Variants in ARHGAP35 observed in about 807,000 individuals in gnomAD.
The protein encoded by ARHGAP35 is Rho GTPase activating protein 35, also known as rho GTPase-activating protein 35.
A neutral mutation model predicts 111.1 loss-of-function variants in ARHGAP35; 15 were observed. The observed-to-expected ratio is 0.13, with a 90% confidence interval of 0.09 to 0.21. The LOEUF is 0.21. Ranked by LOEUF, ARHGAP35 falls within the 10% of genes least tolerant of loss-of-function variation. The pLI is 1.00. For synonymous variants in ARHGAP35, 643 were observed against 710.3 expected, an observed-to-expected ratio of 0.91 and a Z score of 1.51; for missense variants, 1,262 against 1,873.0, an observed-to-expected ratio of 0.67 and a Z score of 6.02.
chr19:46,962,861 G>C (rs763711008), intron 3 of ARHGAP35, among the ~76,000 whole-genome samples: 1 of 152,114 alleles, frequency 6.6e-6, no homozygotes, highest in Non-Finnish European at 1.5e-5. Flanking sequence ...TGATCCGCCC[G>C]CACTTGGCCA....
intron 3 of ARHGAP35, among the ~76,000 whole-genome samples, chr19:46,985,122 T>C (rs1217717859): frequency 1.3e-5 from 2 of 152,244 alleles, no homozygotes; most frequent in Non-Finnish European, 2.9e-5. Flanking sequence ...TTTGTTTTTT[T>C]CAAATTAGGA....
chr19:46,883,419 A>G (rs1181331468), intron 1 of ARHGAP35, among the ~76,000 whole-genome samples: 1 of 152,080 alleles, frequency 6.6e-6, no homozygotes, highest in African/African-American at 2.4e-5. Flanking sequence ...TAATTTCAAC[A>G]TGGTTGTGTC....
chr19:47,000,397 C>T lies in ARHGAP35; in HGVS notation c.4209C>T (p.Thr1403=). The T allele has an allele frequency of 6.2e-7, 1 of 1,613,916 alleles. No homozygotes were observed. Among genetic ancestry groups the T allele is most frequent in the East Asian group, 2.2e-5 (1 of 44,870 alleles). The change falls in exon 7 of 7, where the codon ACC becomes ACT. Residue 1403 remains threonine, a synonymous_variant. Transcript: ENST00000672722. The surrounding 1 kb of genome is among the most constrained non-coding windows in gnomAD (Gnocchi z 6.9). ...ACCTCTCCATCTGCTTCTGGCCCACCTTGATGAGACCTGATTTCAGCACTA... is the reference window on the plus strand; with the variant it reads ...ACCTCTCCATCTGCTTCTGGCCCACTTTGATGAGACCTGATTTCAGCACTA... ...SENLSICFWP[T]LMRPDFSTMD...
At chr19:46,867,313 T>C (rs1168621632) in intron 1 of ARHGAP35, among the ~76,000 whole-genome samples, 1 of 152,224 alleles carries the variant, frequency 6.6e-6, no homozygotes, top group African/African-American at 2.4e-5. Flanking sequence ...CTGCAGGTAT[T>C]TCCTGCCTCT....
chr19:46,968,580 T>C (rs1170321922), intron 3 of ARHGAP35, among the ~76,000 whole-genome samples: 2 of 152,184 alleles, frequency 1.3e-5, no homozygotes, highest in Non-Finnish European at 2.9e-5. Flanking sequence ...AACCCAAATA[T>C]CCCACTGATG....
At chr19:46,967,580 T>C (rs900978088) in intron 3 of ARHGAP35, among the ~76,000 whole-genome samples, 1 of 152,194 alleles carries the variant, frequency 6.6e-6, no homozygotes, top group African/African-American at 2.4e-5. Context: ...GCAAATATCT[T>C]TCCAAAATAA....
At chr19:46,965,805 C>T (rs905650136) in intron 3 of ARHGAP35, among the ~76,000 whole-genome samples, 1 of 152,138 alleles carries the variant, frequency 6.6e-6, no homozygotes. Context: ...TTTTTCAACT[C>T]CATGTTTCAT....
intron 2 of ARHGAP35, among the ~76,000 whole-genome samples, chr19:46,933,887 C>T (rs1599830575): frequency 1.3e-5 from 2 of 152,178 alleles, no homozygotes; most frequent in South Asian, 4.1e-4. Flanking sequence ...AATTTCCTGG[C>T]TAAGTTAGAT....
At chr19:46,996,223 C>T (rs2056706644) in intron 5 of ARHGAP35, among the ~76,000 whole-genome samples, 1 of 152,176 alleles carries the variant, frequency 6.6e-6, no homozygotes, top group African/African-American at 2.4e-5. Context: ...TCTGCCTCAG[C>T]CTCCCAAATA....
chr19:46,935,427 CT>C (rs111957464), intron 2 of ARHGAP35, among the ~76,000 whole-genome samples: 1 of 151,688 alleles, frequency 6.6e-6, no homozygotes, highest in Non-Finnish European at 1.5e-5. Context: ...CTGATCTGTT[CT>C]TTTTTTTTCT....
At chr19:46,881,341 G>C (rs2055961654) in intron 1 of ARHGAP35, among the ~76,000 whole-genome samples, 1 of 152,224 alleles carries the variant, frequency 6.6e-6, no homozygotes, top group South Asian at 2.1e-4. Flanking sequence ...ATTTATGGCA[G>C]TGTTGCCTTA....
chr19:46,879,902 A>G (rs542372909), intron 1 of ARHGAP35, among the ~76,000 whole-genome samples: 1 of 152,078 alleles, frequency 6.6e-6, no homozygotes, highest in East Asian at 1.9e-4. Context: ...CCTGGCCAAC[A>G]TGGTAAAACC....
Position 46,988,014 on chromosome 19 carries a change from G to A in ARHGAP35, c.3852G>A (p.Arg1284=). 1 of 1,613,894 alleles carries A rather than the reference G, an allele frequency of 6.2e-7. No individual in the cohort carries two copies. Among genetic ancestry groups the A allele is most frequent in the Non-Finnish European group, 8.5e-7 (1 of 1,179,864 alleles). The change falls in exon 4 of 7, where the codon CGG becomes CGA. Residue 1284 remains arginine (R), a synonymous_variant. Transcript: ENST00000672722. The surrounding 1 kb of genome is among the most constrained non-coding windows in gnomAD (Gnocchi z 5.4). The part of the protein sequence containing the change: ...ATGLSTEGIY[R]VSGNKSEMES... ...GACTGAGCACGGAAGGCATCTACCG[G>A]GTCAGCGGGAACAAGTCTGAGATGG...
chr19:46,993,305 C>T lies in ARHGAP35; in HGVS notation c.4036+3630C>T, dbSNP rs536320396. Among the ~76,000 whole-genome samples, 3 of 152,316 alleles carry T rather than the reference C, an allele frequency of 2.0e-5. No individual in the cohort carries two copies. Among genetic ancestry groups the T allele is most frequent in the South Asian group, 2.1e-4 (1 of 4,828 alleles). On this transcript the variant is annotated intron_variant, in intron 5 of 6. Coordinates refer to ENST00000672722, the MANE Select transcript of ARHGAP35 (RefSeq NM_004491.5). The surrounding 1 kb of genome is among the most constrained non-coding windows in gnomAD (Gnocchi z 4.6). The stretch of plus-strand genomic sequence containing the variant: ...TTGAGCCGGGCTTTCCCTTTCCTGG[C>T]GATGCAGGCGTGCAGATGGTCAGCG...
intron 1 of ARHGAP35, among the ~76,000 whole-genome samples, chr19:46,899,506 C>T (rs1012123766): frequency 2.0e-5 from 3 of 151,946 alleles, no homozygotes; most frequent in African/African-American, 7.3e-5. Flanking sequence ...CCAGCCTGGC[C>T]AACATGGTGA....
At chr19:46,877,494 G>A (rs1187761372) in intron 1 of ARHGAP35, among the ~76,000 whole-genome samples, 1 of 151,976 alleles carries the variant, frequency 6.6e-6, no homozygotes, top group Non-Finnish European at 1.5e-5. Context: ...AACCTGGGAG[G>A]TGGAGGTTGC....
At chr19:46,955,702 C>G (rs2056435814) in intron 3 of ARHGAP35, among the ~76,000 whole-genome samples, 1 of 152,076 alleles carries the variant, frequency 6.6e-6, no homozygotes, top group Admixed American at 6.6e-5. Flanking sequence ...TCAGAGTGAT[C>G]TTTGAAGGGA....
rs544578408 is a variant in ARHGAP35 at position 46,901,847 on chromosome 19, T to C, written c.-188-16641T>C. 1.3e-5 allele frequency among the ~76,000 whole-genome samples: 2 copies of C among 152,320 alleles called. No individual in the cohort carries two copies. The highest frequency in any genetic ancestry group is 2.9e-5 in the Non-Finnish European group (2 of 68,028). Reference sequence around the variant, plus strand: ...ATTGTCCAGTGATCCTGCTGACAGATGAGAGCTGTCAAGATAGCTTGGCTG... The same window carrying C: ...ATTGTCCAGTGATCCTGCTGACAGACGAGAGCTGTCAAGATAGCTTGGCTG... On this transcript the variant is annotated intron_variant, in intron 1 of 6. Coordinates refer to ENST00000672722, the MANE Select transcript of ARHGAP35 (RefSeq NM_004491.5). This position sits in a 1 kb window ranked among gnomAD's most constrained non-coding sequence, Gnocchi z 4.5.
chr19:46,912,128 C>G (rs1379229736), intron 1 of ARHGAP35, among the ~76,000 whole-genome samples: 4 of 148,798 alleles, frequency 2.7e-5, no homozygotes, highest in Non-Finnish European at 5.9e-5. Context: ...ACTGCAACCT[C>G]TGCCTCTAGG....
Sources: gnomAD v4.1 joint callset for allele counts (sites outside exome capture counted in the v4.1 genomes callset) on GRCh38, gnomAD v4.1.1 for gene constraint, Gnocchi (gnomAD v3.1) non-coding constraint, MANE v1.5 for transcripts, NCBI Gene and HGNC (gene_info 2026-07-23, HGNC 2026-07-21) for gene names.